Variants in PIR observed in about 807,000 individuals in gnomAD.
PIR encodes the protein pirin, also known as pirin (iron-binding nuclear protein).
In PIR, 22 loss-of-function variants were observed where a neutral mutation model predicts 24.2. That is an observed-to-expected ratio of 0.91 (90% CI 0.65 to 1.30). The LOEUF (loss-of-function observed/expected upper bound fraction) is 1.30, where lower values mean the gene tolerates loss of function less well. Among genes scored for constraint, PIR ranks in the 50% most tolerant of loss-of-function variants. PIR has a pLI of 0.00. For missense variants in PIR, 220 were observed against 220.3 expected (o/e 1.00, Z 0.01); for synonymous variants, 80 against 79.6 (o/e 1.00, Z -0.03).
At chrX:15,459,860 T>C (rs1921228387) in intron 3 of PIR, 120 bp from the exon 4 acceptor site, 2 of 377,572 alleles carry the variant, frequency 5.3e-6, no homozygotes, top group Non-Finnish European at 9.5e-6. Flanking sequence ...TAATCCCTTA[T>C]TGGATAATAT....
chrX:15,425,854 C>A, intron 6 of PIR, 52 bp downstream of exon 6: 1 of 761,547 alleles, frequency 1.3e-6, no homozygotes, highest in Non-Finnish European at 2.0e-6. Flanking sequence ...TTGGTTTTTT[C>A]TTTTCTTTTT....
chrX:15,478,397 G>T (rs1378199705), intron 3 of PIR: 1 of 112,332 alleles, frequency 8.9e-6, no homozygotes, highest in African/African-American at 3.2e-5. Flanking sequence ...AGACCTTGAA[G>T]GATTAGTAAG....
At chrX:15,473,770 T>G in intron 3 of PIR, among the ~76,000 whole-genome samples, 1 of 112,154 alleles carries the variant, frequency 8.9e-6, no homozygotes, top group East Asian at 2.8e-4. Flanking sequence ...TTGGCCAGGC[T>G]GGTCTCGAAC....
rs758992476 is a variant in PIR at position 15,444,558 on chromosome X, T to C, written c.480+11290A>G. 1.9e-3 allele frequency among the ~76,000 whole-genome samples: 215 copies of C among 111,527 alleles called. 1 individual carries two copies. Among genetic ancestry groups the C allele is most frequent in the Non-Finnish European group, 2.9e-3 (156 of 53,129 alleles). The stretch of plus-strand genomic sequence containing the variant: ...TCTTCTCAACCTCAACTCCCTACAT[T>C]TGACTTCCACTGAATTTTAGGCCCT... On this transcript the variant is annotated intron_variant, in intron 5 of 9. Coordinates refer to ENST00000380420, the MANE Select transcript of PIR (RefSeq NM_001018109.3).
chrX:15,397,502 G>C lies in PIR; in HGVS notation c.640C>G (p.Pro214Ala), dbSNP rs142402391. 8.3e-7 allele frequency: 1 copy of C among 1,207,127 alleles called. No homozygotes were observed. The highest frequency in any genetic ancestry group is 1.1e-6 in the Non-Finnish European group (1 of 891,311). The change falls in exon 8 of 10, where the codon CCT becomes GCT. Residue 214 changes from proline (P) to alanine (A), a missense_variant. By Grantham distance (27) the Pro-to-Ala change is conservative. Transcript: ENST00000380420. ...GPDDAQQKIE[P>A]HHTAVLGEGD... is the part of the protein sequence containing the mutation. ...TCTCCAAGCACTGCTGTGTGATGAG[G>C]TTCTATTTTTTGTTGTGCATCATCG...
At chrX:15,386,685 C>T (rs1923761172) in intron 9 of PIR, among the ~76,000 whole-genome samples, 1 of 111,107 alleles carries the variant, frequency 9.0e-6, no homozygotes, top group Admixed American at 9.6e-5. Flanking sequence ...GGAGGAAAGG[C>T]ATGTTCAGGC....
At chrX:15,394,589 G>A (rs1221102096) in intron 8 of PIR, among the ~76,000 whole-genome samples, 1 of 111,256 alleles carries the variant, frequency 9.0e-6, no homozygotes, top group Non-Finnish European at 1.9e-5. Flanking sequence ...CTAAGGGTGA[G>A]ATGGAGCCTT....
intron 5 of PIR, among the ~76,000 whole-genome samples, chrX:15,443,048 C>T (rs567103804): frequency 6.3e-5 from 7 of 111,736 alleles, no homozygotes; most frequent in South Asian, 7.5e-4. Context: ...AGAGAGAAGT[C>T]GATGCTTGTC....
Position 15,397,444 on chromosome X carries a change from C to G in PIR, c.693+5G>C. The G allele has an allele frequency of 8.7e-7, 1 of 1,149,318 alleles. No homozygotes were observed. The highest frequency in any genetic ancestry group is 1.2e-6 in the Non-Finnish European group (1 of 838,245). The allele number at this position is 1,149,318 out of a possible 1,213,427, so 94.7% of individuals were successfully genotyped here. A position where few individuals can be genotyped will look rare whatever the true frequency, so the allele number is the denominator to read the frequency against. ...AAGAAAGTTAAAGGAAAATAACATA[C>G]TTACCTTGTTCTCCACCTGGACACT... On this transcript the variant is annotated splice_donor_5th_base_variant and intron_variant, in intron 8 of 9. Coordinates refer to ENST00000380420, the MANE Select transcript of PIR (RefSeq NM_001018109.3).
At chrX:15,473,961 T>G (rs1428705650) in intron 3 of PIR, among the ~76,000 whole-genome samples, 1 of 112,754 alleles carries the variant, frequency 8.9e-6, no homozygotes, top group East Asian at 2.7e-4. Flanking sequence ...GTAGGGTTAC[T>G]GGGTTAAAGG....
At chrX:15,406,623 C>T (rs755608884) in intron 7 of PIR, among the ~76,000 whole-genome samples, 1 of 111,359 alleles carries the variant, frequency 9.0e-6, no homozygotes, top group South Asian at 3.8e-4. Context: ...AAGTAAGGGC[C>T]CAGGGGTGTG....
At chrX:15,468,414 TAAGAATG>T (rs1921714066) in intron 3 of PIR, among the ~76,000 whole-genome samples, 1 of 112,629 alleles carries the variant, frequency 8.9e-6, no homozygotes, top group African/African-American at 3.2e-5. Context: ...GGCAGATGCC[TAAGAATG>T]AAGTGCCTGA....
At position 15,484,306 on chromosome X, in the gene PIR, C is replaced by CTTTT. The variant is rs1193474348; in HGVS notation, c.97-4489_97-4486dup. Among the ~76,000 whole-genome samples, 446 of 67,461 alleles carry CTTTT rather than the reference C, an allele frequency of 6.6e-3. 39 individuals carry two copies. Among genetic ancestry groups the CTTTT allele is most frequent in the South Asian group, 0.012 (10 of 819 alleles). The allele number at this position is 67,461 out of a possible 115,157, so 58.6% of individuals were successfully genotyped here. On this transcript the variant is annotated intron_variant, in intron 2 of 9. Coordinates refer to ENST00000380420, the MANE Select transcript of PIR (RefSeq NM_001018109.3). ...GAGCGGTAGATACAGTCTCAATTTT[C>CTTTT]TTTTTTTTTTTTTTTTTTTTTTTTT... is the stretch of plus-strand genomic sequence containing the variant.
intron 9 of PIR, chrX:15,389,832 T>C (rs145789067): frequency 0.035 from 4,170 of 118,601 alleles, 155 homozygotes; most frequent in African/African-American, 0.12. Context: ...ACCTTTATTT[T>C]TGATAAAGAT....
intron 8 of PIR, among the ~76,000 whole-genome samples, chrX:15,391,533 A>G (rs1001072674): frequency 8.9e-6 from 1 of 112,348 alleles, no homozygotes; most frequent in Non-Finnish European, 1.9e-5. Flanking sequence ...TATCAAAATC[A>G]TACGTATATC....
chrX:15,419,211 T>G (rs949852721), intron 6 of PIR, among the ~76,000 whole-genome samples: 1 of 111,788 alleles, frequency 8.9e-6, no homozygotes, highest in Admixed American at 9.5e-5. Flanking sequence ...GTATGTCTGA[T>G]GACAGGCAGC....
At chrX:15,397,122 C>A (rs969257706) in intron 8 of PIR, among the ~76,000 whole-genome samples, 1 of 112,089 alleles carries the variant, frequency 8.9e-6, no homozygotes, top group African/African-American at 3.2e-5. Context: ...GATCTATTTT[C>A]ACTTATGCTA....
At chrX:15,398,115 G>T (rs987050869) in intron 7 of PIR, among the ~76,000 whole-genome samples, 1 of 110,318 alleles carries the variant, frequency 9.1e-6, no homozygotes, top group Non-Finnish European at 1.9e-5. Flanking sequence ...GGGTAGGGGG[G>T]AGGGATAGCA....
intron 3 of PIR, among the ~76,000 whole-genome samples, chrX:15,473,483 A>C (rs1922032528): frequency 8.9e-6 from 1 of 112,151 alleles, no homozygotes; most frequent in Non-Finnish European, 1.9e-5. Context: ...CAAATATATA[A>C]TTTTCTTATA....
Sources: gnomAD v4.1 joint callset for allele counts (sites outside exome capture counted in the v4.1 genomes callset) on GRCh38, gnomAD v4.1.1 for gene constraint, MANE v1.5 for transcripts, NCBI Gene and HGNC (gene_info 2026-07-23, HGNC 2026-07-21) for gene names.